UBE2L3: variants seen among roughly 807,000 people sequenced by gnomAD.
The protein encoded by UBE2L3 is ubiquitin-conjugating enzyme E2 L3.
A neutral mutation model predicts 17.8 loss-of-function variants in UBE2L3; 1 was observed. The observed-to-expected ratio is 0.06, with a 90% CI of 0.02 to 0.27. The LOEUF is 0.27. Ranked by LOEUF, UBE2L3 falls within the 10% of genes least tolerant of loss-of-function variation. The pLI is 1.00. For synonymous variants in UBE2L3, 44 were observed against 68.5 expected (o/e 0.64, Z 1.76); for missense variants, 40 against 192.6 (o/e 0.21, Z 4.69).
At chr22:21,592,349 T>A (rs1424210238) in intron 1 of UBE2L3, among the ~76,000 whole-genome samples, 1 of 148,520 alleles carries the variant, frequency 6.7e-6, no homozygotes, top group Non-Finnish European at 1.5e-5. Flanking sequence ...GAAATCACAC[T>A]TATAGCACTG....
intron 1 of UBE2L3, among the ~76,000 whole-genome samples, chr22:21,591,415 T>TG (rs1055550353): frequency 1.2e-4 from 18 of 152,254 alleles, no homozygotes; most frequent in African/African-American, 4.1e-4. Flanking sequence ...GAGCACCCTG[T>TG]GGGGGGAAAC....
At chr22:21,578,962 ATTATTTATTTAT>A (rs201411923) in intron 1 of UBE2L3, among the ~76,000 whole-genome samples, 2,634 of 148,060 alleles carry the variant, frequency 0.018, 49 homozygotes, top group African/African-American at 0.041. Context: ...AGCTAAGTGT[ATTATTTATTTAT>A]TTATTTATTT....
rs751060845 is a variant in UBE2L3 at position 21,611,074 on chromosome 22, G to T, written c.310+31G>T. 19 of 1,541,974 alleles carry T rather than the reference G, an allele frequency of 1.2e-5. No individual in the cohort carries two copies. In the South Asian group the frequency reaches 2.1e-4, roughly 17 times the overall value. On this transcript the variant is annotated intron_variant, in intron 3 of 3. Transcript: ENST00000342192. ...ACATGTGCCTGTGTCTTCCTCGGAG[G>T]GGGTCTTTGGGGGTGCTGCTCTGGG...
At chr22:21,566,401 C>G (rs925750729), upstream of UBE2L3, among the ~76,000 whole-genome samples, 2 of 151,830 alleles carry the variant, frequency 1.3e-5, no homozygotes, top group Admixed American at 6.6e-5. Context: ...CTGGGCAAGA[C>G]AGTGAGACTT....
intron 2 of UBE2L3, among the ~76,000 whole-genome samples, chr22:21,603,573 G>A (rs1003808626): frequency 6.8e-6 from 1 of 146,630 alleles, no homozygotes; most frequent in Non-Finnish European, 1.5e-5. Flanking sequence ...GCTGGTCGCC[G>A]TGGCTCACGC....
intron 1 of UBE2L3, among the ~76,000 whole-genome samples, chr22:21,578,127 G>C (rs1045687922): frequency 1.3e-5 from 2 of 152,108 alleles, no homozygotes; most frequent in African/African-American, 4.8e-5. Context: ...GGAGGCTGAG[G>C]TGGGAGGATC....
At chr22:21,597,451 C>A (rs5754295) in intron 2 of UBE2L3, among the ~76,000 whole-genome samples, 33,328 of 151,830 alleles carry the variant, frequency 0.22, 4,420 homozygotes, top group East Asian at 0.51. Context: ...ATGCTGCAAC[C>A]CCCAGCTAAT....
At chr22:21,603,264 A>C (rs995065107) in intron 2 of UBE2L3, among the ~76,000 whole-genome samples, 4 of 152,108 alleles carry the variant, frequency 2.6e-5, no homozygotes, top group African/African-American at 4.8e-5. Flanking sequence ...GCGGTGGCTC[A>C]CACCTGTAAT....
intron 2 of UBE2L3, among the ~76,000 whole-genome samples, chr22:21,598,996 C>T (rs767317475): frequency 1.8e-4 from 28 of 152,120 alleles, no homozygotes; most frequent in Non-Finnish European, 3.2e-4. Flanking sequence ...TACACCACCA[C>T]GCTCGGCTAA....
intron 2 of UBE2L3, among the ~76,000 whole-genome samples, chr22:21,609,896 G>A (rs1929387139): frequency 1.3e-5 from 2 of 152,000 alleles, no homozygotes; most frequent in South Asian, 4.2e-4. Context: ...CATTGAGGCG[G>A]GTGCCTGTAA....
chr22:21,614,573 A>C, intron 3 of UBE2L3: 1 of 1,367,530 alleles, frequency 7.3e-7, no homozygotes, highest in Non-Finnish European at 9.8e-7. Context: ...CAGCGTTCCC[A>C]ATTATGGCTT....
At chr22:21,576,702 A>G (rs1601401080) in intron 1 of UBE2L3, among the ~76,000 whole-genome samples, 1 of 151,700 alleles carries the variant, frequency 6.6e-6, no homozygotes, top group Non-Finnish European at 1.5e-5. Flanking sequence ...CCAAAATTCT[A>G]GGATTACAGA....
intron 1 of UBE2L3, among the ~76,000 whole-genome samples, chr22:21,591,864 G>T (rs930377250): frequency 6.6e-6 from 1 of 152,190 alleles, no homozygotes; most frequent in Admixed American, 6.6e-5. Context: ...CACTGGATGG[G>T]AGGCCGGGCT....
chr22:21,556,020 A>C (rs1926213053), intron 1 of UBE2L3, among the ~76,000 whole-genome samples: 1 of 152,238 alleles, frequency 6.6e-6, no homozygotes, highest in African/African-American at 2.4e-5. Flanking sequence ...GGAGTACTTG[A>C]GCTCTGAAGT....
intron 2 of UBE2L3, among the ~76,000 whole-genome samples, chr22:21,599,652 G>C (rs1217712875): frequency 6.6e-6 from 1 of 152,166 alleles, no homozygotes; most frequent in African/African-American, 2.4e-5. Flanking sequence ...GGCAGTGTGA[G>C]GACATATGTG....
At chr22:21,616,920 G>GA (rs892887497) in intron 3 of UBE2L3, among the ~76,000 whole-genome samples, 23 of 151,764 alleles carry the variant, frequency 1.5e-4, no homozygotes, top group African/African-American at 5.3e-4. Context: ...CTGTCATTAA[G>GA]AACAAAAGGG....
At chr22:21,562,830 G>T (rs867053670), upstream of UBE2L3, among the ~76,000 whole-genome samples, 1 of 151,704 alleles carries the variant, frequency 6.6e-6, no homozygotes, top group Admixed American at 6.6e-5. Flanking sequence ...TCTGGACCTG[G>T]GCCCAAGGCC....
chr22:21,571,161 G>A (rs924121093), intron 1 of UBE2L3, among the ~76,000 whole-genome samples: 1 of 152,206 alleles, frequency 6.6e-6, no homozygotes, highest in Non-Finnish European at 1.5e-5. Flanking sequence ...AGCTAATTTA[G>A]CATTGTTGGC....
chr22:21,601,376 G>T (rs1322783474), intron 2 of UBE2L3, among the ~76,000 whole-genome samples: 1 of 150,510 alleles, frequency 6.6e-6, no homozygotes, highest in South Asian at 2.2e-4. Flanking sequence ...GCAGTGGTGT[G>T]ATCTCAGCTC....
Sources: gnomAD v4.1 joint callset for allele counts (sites outside exome capture counted in the v4.1 genomes callset) on GRCh38, gnomAD v4.1.1 for gene constraint, MANE v1.5 for transcripts, NCBI Gene and HGNC (gene_info 2026-07-23, HGNC 2026-07-21) for gene names.